FGF14: variants seen among roughly 807,000 people sequenced by gnomAD.
FGF14 encodes fibroblast growth factor 14.
FGF14 carries 5 observed loss-of-function variants against 25.5 expected under a neutral mutation model. The ratio of observed to expected loss-of-function variants is 0.20; its 90% CI spans 0.10 to 0.41. FGF14 has a LOEUF of 0.41. Ranked by LOEUF, FGF14 falls within the 10% of genes least tolerant of loss-of-function variation. The pLI is 1.00. For missense variants in FGF14, 222 were observed against 320.1 expected (o/e 0.69, Z 2.34); for synonymous variants, 138 against 118.3 (o/e 1.17, Z -1.08).
At chr13:101,961,421 C>A (rs1193644160) in intron 1 of FGF14, among the ~76,000 whole-genome samples, 1 of 152,062 alleles carries the variant, frequency 6.6e-6, no homozygotes, top group Non-Finnish European at 1.5e-5. Context: ...GTCAATTTTC[C>A]CAGAACCATT....
At chr13:102,397,425 A>G (rs2058611078) in intron 1 of FGF14, among the ~76,000 whole-genome samples, 1 of 152,190 alleles carries the variant, frequency 6.6e-6, no homozygotes, top group Non-Finnish European at 1.5e-5. Flanking sequence ...GTTCAGAAAA[A>G]GAGAATTGAT....
At chr13:102,014,460 T>C (rs898396706) in intron 1 of FGF14, among the ~76,000 whole-genome samples, 1 of 152,150 alleles carries the variant, frequency 6.6e-6, no homozygotes, top group African/African-American at 2.4e-5. Context: ...TAAGATTGTG[T>C]CTATATTTTA....
intron 1 of FGF14, among the ~76,000 whole-genome samples, chr13:102,154,906 G>A (rs921963992): frequency 5.3e-5 from 8 of 151,464 alleles, no homozygotes; most frequent in South Asian, 2.1e-4. Context: ...AAGATCAAAA[G>A]AGACAAAGAA....
chr13:101,963,088 T>C (rs2036967144), intron 1 of FGF14, among the ~76,000 whole-genome samples: 1 of 152,248 alleles, frequency 6.6e-6, no homozygotes, highest in African/African-American at 2.4e-5. Flanking sequence ...GGCATTCTCA[T>C]GCCATTCAAT....
At chr13:102,272,520 G>GGAATATTCCTAAATATTCCTAAAT (rs2053299476) in intron 1 of FGF14, among the ~76,000 whole-genome samples, 7 of 152,136 alleles carry the variant, frequency 4.6e-5, no homozygotes, top group African/African-American at 1.7e-4. Flanking sequence ...ATGTGGATAT[G>GGAATATTCCTAAATATTCCTAAAT]GTGATGGCAG....
chr13:102,213,592 A>G (rs1429483928), intron 1 of FGF14, among the ~76,000 whole-genome samples: 1 of 152,210 alleles, frequency 6.6e-6, no homozygotes, highest in Non-Finnish European at 1.5e-5. Flanking sequence ...TATTGTATAC[A>G]TTTAGATAAT....
intron 1 of FGF14, among the ~76,000 whole-genome samples, chr13:101,904,044 C>A (rs972628829): frequency 6.6e-6 from 1 of 152,146 alleles, no homozygotes; most frequent in African/African-American, 2.4e-5. Context: ...GTTCTAAGAT[C>A]TAATTCATGA....
At chr13:102,316,149 T>C (rs1397415976) in intron 1 of FGF14, among the ~76,000 whole-genome samples, 1 of 152,146 alleles carries the variant, frequency 6.6e-6, no homozygotes, top group African/African-American at 2.4e-5. Flanking sequence ...TAACAGAAAT[T>C]AACAGAAGGA....
intron 1 of FGF14, among the ~76,000 whole-genome samples, chr13:102,225,283 T>C (rs9518664): frequency 0.2 from 30,305 of 151,968 alleles, 4,309 homozygotes; most frequent in East Asian, 0.4. Context: ...TCTTCAACCC[T>C]GACTTTCCCC....
chr13:102,012,273 A>G (rs1456652888), intron 1 of FGF14, among the ~76,000 whole-genome samples: 1 of 152,176 alleles, frequency 6.6e-6, no homozygotes, highest in Non-Finnish European at 1.5e-5. Context: ...AATATTATGA[A>G]AATTAAAATT....
chr13:101,712,521 G>A lies in FGF14; in HGVS notation c.*10310C>T, dbSNP rs2034516404. 6.6e-6 allele frequency: 1 copy of A among 152,086 alleles called. No homozygotes were observed. Among genetic ancestry groups the A allele is most frequent in the Non-Finnish European group, 1.5e-5 (1 of 68,028 alleles). The allele number at this position is 152,086 out of a possible 1,614,324, so 9.4% of individuals were successfully genotyped here. The stretch of plus-strand genomic sequence containing the variant: ...AAATATAAGATATTTCATGAATTGT[G>A]ACATATATAAAATGATATCCTGGGT... On this transcript the variant is annotated 3_prime_UTR_variant, in exon 5 of 5. Coordinates refer to ENST00000376143, the MANE Select transcript of FGF14 (RefSeq NM_004115.4).
intron 1 of FGF14, among the ~76,000 whole-genome samples, chr13:102,340,046 G>A (rs1421699599): frequency 1.3e-5 from 2 of 152,120 alleles, no homozygotes; most frequent in African/African-American, 4.8e-5. Context: ...GAATTTCAAA[G>A]GCACTTGGAC....
At chr13:101,990,935 C>A (rs577455475) in intron 1 of FGF14, among the ~76,000 whole-genome samples, 1 of 152,024 alleles carries the variant, frequency 6.6e-6, no homozygotes, top group East Asian at 1.9e-4. Context: ...ATCGACAGAA[C>A]ATCTAGCACA....
intron 3 of FGF14, among the ~76,000 whole-genome samples, chr13:101,728,272 T>C (rs550857261): frequency 4.6e-5 from 7 of 152,288 alleles, no homozygotes; most frequent in East Asian, 1.9e-4. Context: ...AGTGATCAAT[T>C]TGATGAAATC....
chr13:102,361,403 G>A (rs1033173883), intron 1 of FGF14, among the ~76,000 whole-genome samples: 5 of 152,170 alleles, frequency 3.3e-5, no homozygotes, highest in Non-Finnish European at 7.4e-5. Flanking sequence ...AAAACATTCA[G>A]GTGCCAAAAT....
chr13:102,102,580 C>T lies in FGF14; in HGVS notation c.209-227284G>A, dbSNP rs1391758130. 3.9e-5 allele frequency among the ~76,000 whole-genome samples: 6 copies of T among 152,170 alleles called. No individual in the cohort carries two copies. The East Asian group carries it at 9.6e-4, about 24-fold the overall frequency. On this transcript the variant is annotated intron_variant, in intron 1 of 4. Coordinates refer to the FGF14 transcript ENST00000376131. ...AATGACTTGATCAGCACTGAACATC[C>T]ATCAAGACTCCATGGTGCCCTGCCC...
At chr13:102,058,420 C>T (rs2042530719) in intron 1 of FGF14, among the ~76,000 whole-genome samples, 1 of 152,094 alleles carries the variant, frequency 6.6e-6, no homozygotes, top group African/African-American at 2.4e-5. Flanking sequence ...ATATCTTCTT[C>T]CCTCTTGAGG....
rs541217795 is a variant in FGF14, at chr13:102,220,009, T to A, written c.208+181462A>T. On this transcript the variant is annotated intron_variant, in intron 1 of 4. Transcript: ENST00000376131. ...GATGTAATAATTCCATATAATGTAG[T>A]TTTCATATGATAATTATTAATATGA... Among the ~76,000 whole-genome samples the A allele has an allele frequency of 4.6e-4, 70 of 152,260 alleles. No individual in the cohort carries two copies. In the South Asian group the frequency reaches 0.014, roughly 31 times the overall value.
intron 3 of FGF14, among the ~76,000 whole-genome samples, chr13:101,830,985 A>G (rs2042642492): frequency 6.6e-6 from 1 of 151,990 alleles, no homozygotes; most frequent in Non-Finnish European, 1.5e-5. Context: ...TAATCTTGTG[A>G]TTATATCTGG....
Sources: gnomAD v4.1 joint callset for allele counts (sites outside exome capture counted in the v4.1 genomes callset) on GRCh38, gnomAD v4.1.1 for gene constraint, MANE v1.5 for transcripts, NCBI Gene and HGNC (gene_info 2026-07-23, HGNC 2026-07-21) for gene names.